Variants in CRTAC1 observed in about 807,000 individuals in gnomAD.
CRTAC1 encodes acidic secreted protein in cartilage.
Under a neutral mutation model 67.8 loss-of-function variants are expected in CRTAC1, and 37 were observed. That is an observed-to-expected ratio of 0.55 (90% CI 0.42 to 0.72). CRTAC1 has a LOEUF of 0.72. CRTAC1 is among the 30% of genes least tolerant of loss of function. CRTAC1 has a pLI of 0.00. For synonymous variants in CRTAC1, 348 were observed against 371.0 expected (o/e 0.94, Z 0.71); for missense variants, 780 against 931.6 (o/e 0.84, Z 2.12).
chr10:97,881,344 C>T (rs956386821), intron 13 of CRTAC1, among the ~76,000 whole-genome samples: 1 of 152,204 alleles, frequency 6.6e-6, no homozygotes, highest in Non-Finnish European at 1.5e-5. Context: ...GGCCTAGATC[C>T]TTCTCATCCT....
chr10:97,882,011 C>T (rs2050221277), intron 13 of CRTAC1, among the ~76,000 whole-genome samples: 1 of 152,216 alleles, frequency 6.6e-6, no homozygotes, highest in African/African-American at 2.4e-5. Flanking sequence ...CAGCTGTTTA[C>T]TTTTGTGGCT....
intron 2 of CRTAC1, among the ~76,000 whole-genome samples, chr10:98,007,152 A>C (rs1842805573): frequency 6.6e-6 from 1 of 152,258 alleles, no homozygotes; most frequent in Non-Finnish European, 1.5e-5. Flanking sequence ...TGTGGGATTC[A>C]GATTAGTCAA....
At position 97,923,247 on chromosome 10, in the gene CRTAC1, T is replaced by C. The variant is rs982551819; in HGVS notation, c.558+17A>G. On this transcript the variant is annotated intron_variant, in intron 4 of 14. Coordinates refer to ENST00000370597, the MANE Select transcript of CRTAC1 (RefSeq NM_018058.7). ...CATGTGGCTTCTCCCCAGGACCCCA[T>C]GTGCCCCTGCACTCACCTTTCTGTC... 1 of 1,613,814 alleles carries C rather than the reference T, an allele frequency of 6.2e-7. No homozygotes were observed. Among genetic ancestry groups the C allele is most frequent in the Non-Finnish European group, 8.5e-7 (1 of 1,180,008 alleles).
In CRTAC1 at chr10:97,900,358, C is replaced by A. The variant is rs556738554; in HGVS notation, c.1133+1145G>T. 3.9e-5 allele frequency among the ~76,000 whole-genome samples: 6 copies of A among 152,364 alleles called. 1 individual carries two copies. The South Asian group carries it at 1.2e-3, about 32-fold the overall frequency. On this transcript the variant is annotated intron_variant, in intron 8 of 14. Transcript: ENST00000370597. ...ATCTGGCCTATTTGGAATACTCCAT[C>A]CATCTTTTGGAAAATTAAAATATTT...
At chr10:97,983,895 T>A (rs2051938459) in intron 2 of CRTAC1, among the ~76,000 whole-genome samples, 1 of 152,264 alleles carries the variant, frequency 6.6e-6, no homozygotes, top group South Asian at 2.1e-4. Flanking sequence ...CACATTTTTT[T>A]ATTTTGGGAA....
At chr10:97,910,146 TTTAG>T (rs2050669676) in intron 5 of CRTAC1, among the ~76,000 whole-genome samples, 1 of 152,228 alleles carries the variant, frequency 6.6e-6, no homozygotes, top group Non-Finnish European at 1.5e-5. Flanking sequence ...ACATGGTGAC[TTTAG>T]TTAATAAGAA....
At chr10:97,945,402 A>G (rs190377378) in intron 2 of CRTAC1, among the ~76,000 whole-genome samples, 2 of 152,332 alleles carry the variant, frequency 1.3e-5, no homozygotes, top group African/African-American at 4.8e-5. Context: ...TTGAGAATAG[A>G]TCATTTCTTT....
intron 2 of CRTAC1, among the ~76,000 whole-genome samples, chr10:98,007,269 T>G (rs1282425989): frequency 6.6e-6 from 1 of 152,206 alleles, no homozygotes; most frequent in African/African-American, 2.4e-5. Context: ...AGGTGTGGTC[T>G]TATTGTAAGG....
chr10:98,001,442 A>G (rs1842686303), intron 2 of CRTAC1, among the ~76,000 whole-genome samples: 1 of 152,190 alleles, frequency 6.6e-6, no homozygotes, highest in African/African-American at 2.4e-5. Flanking sequence ...GTCATTGGCA[A>G]TAAGACTTAC....
intron 11 of CRTAC1, among the ~76,000 whole-genome samples, chr10:97,894,777 G>A (rs1418948452): frequency 1.0e-5 from 1 of 99,650 alleles, no homozygotes; most frequent in Non-Finnish European, 2.0e-5. Flanking sequence ...ATAGGATTTT[G>A]TCATCCCCCT....
intron 8 of CRTAC1, among the ~76,000 whole-genome samples, chr10:97,899,391 C>T (rs866815864): frequency 2.6e-5 from 4 of 152,292 alleles, no homozygotes; most frequent in Non-Finnish European, 4.4e-5. Context: ...CCTTTCTCCC[C>T]GCTGCAGGGG....
At chr10:97,881,556 G>A (rs2050215108) in intron 13 of CRTAC1, among the ~76,000 whole-genome samples, 1 of 152,244 alleles carries the variant, frequency 6.6e-6, no homozygotes, top group South Asian at 2.1e-4. Context: ...TACATCCCCA[G>A]CTCCCAGCAT....
chr10:97,885,733 AG>A (rs2050273952), intron 11 of CRTAC1, among the ~76,000 whole-genome samples: 1 of 152,162 alleles, frequency 6.6e-6, no homozygotes, highest in Admixed American at 6.5e-5. Context: ...CAGCACAGAC[AG>A]GGGGAGAACA....
At chr10:98,011,038 C>T (rs768010882) in intron 2 of CRTAC1, 100 bp downstream of exon 2, 181 of 1,008,344 alleles carry the variant, frequency 1.8e-4, no homozygotes, top group Non-Finnish European at 2.3e-4. Flanking sequence ...TGAGTGAGAA[C>T]GTATGTTGTT....
chr10:97,888,988 T>A (rs1354210591), intron 11 of CRTAC1, among the ~76,000 whole-genome samples: 1 of 152,088 alleles, frequency 6.6e-6, no homozygotes, highest in Non-Finnish European at 1.5e-5. Context: ...TGTGGGCCAC[T>A]GAATTTCCCT....
chr10:97,964,959 C>G (rs987141600), intron 2 of CRTAC1, among the ~76,000 whole-genome samples: 1 of 152,186 alleles, frequency 6.6e-6, no homozygotes, highest in Non-Finnish European at 1.5e-5. Context: ...GTAGGAGACC[C>G]AGCCTTATCA....
intron 2 of CRTAC1, among the ~76,000 whole-genome samples, chr10:97,944,795 ATTTGGCTACCT>A (rs6144044): frequency 0.36 from 54,674 of 151,918 alleles, 10,255 homozygotes; most frequent in Non-Finnish European, 0.43. Flanking sequence ...CATATACAAA[ATTTGGCTACCT>A]TAAGACCACC....
chr10:97,865,604 C>T lies in CRTAC1; in HGVS notation c.1930G>A (p.Asp644Asn). The T allele has an allele frequency of 6.2e-6, 10 of 1,613,610 alleles. No individual in the cohort carries two copies. The highest frequency in any genetic ancestry group is 6.8e-6 in the Non-Finnish European group (8 of 1,179,606). ...GAATAAPVLVDGDLNLGSVVK... is the reference protein window; with the variant it reads ...GAATAAPVLVNGDLNLGSVVK... ...ACCGACCCCAGATTGAGATCTCCAT[C>T]TACGAGGACCGGTGCAGCAGTGGCA... The change falls in exon 15 of 15, where the codon GAT (aspartate) becomes AAT (asparagine). Residue 644 changes from aspartate to asparagine, a missense_variant. Coordinates refer to ENST00000370597, the MANE Select transcript of CRTAC1 (RefSeq NM_018058.7).
At chr10:98,008,589 GC>G (rs140322513) in intron 2 of CRTAC1, among the ~76,000 whole-genome samples, 6,320 of 152,156 alleles carry the variant, frequency 0.042, 440 homozygotes, top group African/African-American at 0.14. Context: ...ACAGGGAGAG[GC>G]TTTCCATGCT....
Sources: gnomAD v4.1 joint callset for allele counts (sites outside exome capture counted in the v4.1 genomes callset) on GRCh38, gnomAD v4.1.1 for gene constraint, MANE v1.5 for transcripts, NCBI Gene and HGNC (gene_info 2026-07-23, HGNC 2026-07-21) for gene names.